The following MED12L variants were observed in gnomAD, a reference collection of about 807,000 sequenced individuals.
MED12L encodes mediator complex subunit 12L.
Under a neutral mutation model 281.3 loss-of-function variants are expected in MED12L, and 60 were observed. That is an observed-to-expected ratio of 0.21 (90% CI 0.17 to 0.26). The LOEUF (loss-of-function observed/expected upper bound fraction) is 0.26. Among genes scored for constraint, MED12L ranks in the 10% least tolerant of loss-of-function variants. The pLI, the probability that MED12L is intolerant of heterozygous loss-of-function variation, is 1.00. For missense variants in MED12L, 2,146 were observed against 2,680.9 expected (o/e 0.80, Z 4.41); for synonymous variants, 974 against 987.2 (o/e 0.99, Z 0.25).
At chr3:151,204,908 C>G (rs1726141870) in intron 16 of MED12L, among the ~76,000 whole-genome samples, 1 of 152,184 alleles carries the variant, frequency 6.6e-6, no homozygotes, top group Admixed American at 6.5e-5. Flanking sequence ...AAAATCTACC[C>G]AGACCACAGT....
chr3:151,293,499 C>T (rs1402356494), intron 16 of MED12L, among the ~76,000 whole-genome samples: 7 of 151,740 alleles, frequency 4.6e-5, no homozygotes, highest in South Asian at 2.1e-4. Context: ...AGCATTTCCA[C>T]AGCTCATTCC....
intron 5 of MED12L, among the ~76,000 whole-genome samples, chr3:151,150,188 T>C (rs1180018087): frequency 1.3e-5 from 2 of 152,230 alleles, no homozygotes; most frequent in African/African-American, 2.4e-5. Context: ...TAATGAAATA[T>C]ATGTCTTAAA....
intron 16 of MED12L, among the ~76,000 whole-genome samples, chr3:151,311,991 A>G (rs995217951): frequency 2.0e-5 from 3 of 152,184 alleles, no homozygotes; most frequent in African/African-American, 7.2e-5. Context: ...GCAGTGAGCC[A>G]AGATCACGCT....
At position 151,388,036 on chromosome 3, in the gene MED12L, A is replaced by G. The variant is rs772681948; in HGVS notation, c.5315A>G (p.Glu1772Gly). The G allele has an allele frequency of 6.2e-7, 1 of 1,614,024 alleles. No individual in the cohort carries two copies. The highest frequency in any genetic ancestry group is 8.5e-7 in the Non-Finnish European group (1 of 1,180,006). ...CCCCTGCCTCCTGAGGAGGAAGAGG[A>G]AGAGCCCACATCTCCAGTTTCTCAG... ...PLPLPPEEEEEEPTSPVSQEP... is the reference protein window; with the variant it reads ...PLPLPPEEEEGEPTSPVSQEP... The change falls in exon 37 of 45, where the codon GAA becomes GGA. Residue 1772 changes from glutamate to glycine, a missense_variant. By Grantham distance (98) the Glu-to-Gly change is moderately conservative (BLOSUM62 -2). Transcript: ENST00000687756.
At chr3:151,394,534 C>A in intron 38 of MED12L, 122 bp from the exon 39 acceptor site, 2 of 1,459,576 alleles carry the variant, frequency 1.4e-6, no homozygotes, top group Non-Finnish European at 9.2e-7. Flanking sequence ...TGGGACAGTG[C>A]ATTTTTTTCT....
At chr3:151,342,236 C>T (rs564067797) in intron 16 of MED12L, among the ~76,000 whole-genome samples, 12 of 152,304 alleles carry the variant, frequency 7.9e-5, no homozygotes, top group Admixed American at 6.5e-4. Flanking sequence ...CTCTCCAACA[C>T]CTGTGCTGCT....
intron 39 of MED12L, among the ~76,000 whole-genome samples, chr3:151,396,583 G>A (rs143707430): frequency 1.1e-3 from 175 of 152,262 alleles, no homozygotes; most frequent in African/African-American, 3.7e-3. Context: ...CCGAGATCAC[G>A]CCACTGCACT....
intron 16 of MED12L, among the ~76,000 whole-genome samples, chr3:151,334,572 C>G (rs1284383144): frequency 2.6e-5 from 4 of 152,050 alleles, no homozygotes; most frequent in African/African-American, 9.7e-5. Context: ...GTGGCTCAAT[C>G]TCGGCTCACT....
At chr3:151,151,399 G>A (rs1310103992) in intron 5 of MED12L, among the ~76,000 whole-genome samples, 5 of 151,936 alleles carry the variant, frequency 3.3e-5, no homozygotes, top group African/African-American at 4.8e-5. Context: ...TGGCTGTTTG[G>A]CATAAGAGAC....
At chr3:151,288,596 A>T (rs1743854219) in intron 16 of MED12L, among the ~76,000 whole-genome samples, 1 of 152,242 alleles carries the variant, frequency 6.6e-6, no homozygotes, top group Admixed American at 6.5e-5. Flanking sequence ...TATTTCAAAT[A>T]GTTCTGCCTA....
chr3:151,279,583 C>T (rs1317058050), intron 16 of MED12L, among the ~76,000 whole-genome samples: 1 of 152,178 alleles, frequency 6.6e-6, no homozygotes, highest in Non-Finnish European at 1.5e-5. Context: ...AGACCCCCAG[C>T]GGGCCCCAAT....
At chr3:151,101,756 C>G (rs1258384561) in intron 2 of MED12L, among the ~76,000 whole-genome samples, 1 of 152,070 alleles carries the variant, frequency 6.6e-6, no homozygotes, top group Non-Finnish European at 1.5e-5. Flanking sequence ...AGATTTATCT[C>G]ACTAGCTCAT....
chr3:151,370,977 A>G (rs1009868666), intron 26 of MED12L, among the ~76,000 whole-genome samples: 2 of 152,224 alleles, frequency 1.3e-5, no homozygotes, highest in African/African-American at 4.8e-5. Flanking sequence ...GTTTAACGTC[A>G]GCAGAGCTTT....
At chr3:151,413,393 C>T (rs1717176449) in intron 42 of MED12L, 98 bp downstream of exon 42, 30 of 1,395,162 alleles carry the variant, frequency 2.2e-5, no homozygotes, top group Non-Finnish European at 2.8e-5. Flanking sequence ...TGTCAATTGC[C>T]AGATTCCAAG....
chr3:151,250,740 T>C (rs1439886225), intron 16 of MED12L, among the ~76,000 whole-genome samples: 1 of 152,202 alleles, frequency 6.6e-6, no homozygotes, highest in Non-Finnish European at 1.5e-5. Context: ...GGTATACAAA[T>C]ATCTGCTTAA....
At chr3:151,176,443 A>G (rs1034128930) in intron 11 of MED12L, among the ~76,000 whole-genome samples, 3 of 152,236 alleles carry the variant, frequency 2.0e-5, no homozygotes, top group Non-Finnish European at 4.4e-5. Flanking sequence ...TCATAAACAT[A>G]TATGAACACT....
intron 32 of MED12L, among the ~76,000 whole-genome samples, chr3:151,382,399 G>A (rs1712538577): frequency 6.6e-6 from 1 of 152,020 alleles, no homozygotes; most frequent in Non-Finnish European, 1.5e-5. Flanking sequence ...GCCCTCTCAA[G>A]CATTTTCCCA....
chr3:151,209,986 C>A (rs1726901348), intron 16 of MED12L, among the ~76,000 whole-genome samples: 1 of 152,228 alleles, frequency 6.6e-6, no homozygotes, highest in African/African-American at 2.4e-5. Context: ...AGGCACTCAG[C>A]TTTGTAACCA....
At chr3:151,278,562 A>G (rs1742284476) in intron 16 of MED12L, 1 of 152,226 alleles carries the variant, frequency 6.6e-6, no homozygotes, top group Non-Finnish European at 1.5e-5. Context: ...CCTTTCCTCC[A>G]GTAATGCAAA....
Sources: gnomAD v4.1 joint callset for allele counts (sites outside exome capture counted in the v4.1 genomes callset) on GRCh38, gnomAD v4.1.1 for gene constraint, MANE v1.5 for transcripts, NCBI Gene and HGNC (gene_info 2026-07-23, HGNC 2026-07-21) for gene names.